Variants in BPNT2 observed in about 807,000 individuals in gnomAD.
The protein encoded by BPNT2 is 3'(2'), 5'-bisphosphate nucleotidase 2.
Under a neutral mutation model 29.3 loss-of-function variants are expected in BPNT2, and 11 were observed. The ratio of observed to expected loss-of-function variants is 0.38; its 90% CI spans 0.24 to 0.62. The LOEUF (loss-of-function observed/expected upper bound fraction) is 0.62, where lower values mean the gene tolerates loss of function less well. Among genes scored for constraint, BPNT2 ranks in the 20% least tolerant of loss-of-function variants. The pLI is 0.62. For missense variants in BPNT2, 459 were observed against 473.4 expected, an observed-to-expected ratio of 0.97 and a Z score of 0.28; for synonymous variants, 195 against 187.7, an observed-to-expected ratio of 1.04 and a Z score of -0.32.
At chr8:56,977,526 T>C (rs1282318349) in intron 3 of BPNT2, among the ~76,000 whole-genome samples, 4 of 152,174 alleles carry the variant, frequency 2.6e-5, no homozygotes, top group Admixed American at 2.6e-4. Context: ...ACTTTCTGGG[T>C]TGTTATGGTT....
In BPNT2 at chr8:56,993,636, C is replaced by CCCGCCGCCG. The variant is rs756084314; in HGVS notation, c.-60_-52dup. ...CTGCGGCTCTCACAGGCCTCCAGCG[C>CCCGCCGCCG]CCGCCGCCGCCGCCGCCGCAGCCGC... is the stretch of plus-strand genomic sequence containing the variant. On this transcript the variant is annotated 5_prime_UTR_variant, in exon 1 of 5. Transcript: ENST00000262644. 4.8e-5 allele frequency: 59 copies of CCCGCCGCCG among 1,230,250 alleles called. No homozygotes were observed. The highest frequency in any genetic ancestry group is 1.7e-4 in the South Asian group (5 of 28,702). The allele number at this position is 1,230,250 out of a possible 1,614,324, so 76.2% of individuals were successfully genotyped here.
In BPNT2 at chr8:56,993,548, A is replaced by AC. The variant is rs1479938066; in HGVS notation, c.37dup (p.Val13GlyfsTer119). 6.7e-7 allele frequency: 1 copy of AC among 1,484,358 alleles called. No homozygotes were observed. Among genetic ancestry groups the AC allele is most frequent in the Non-Finnish European group, 9.0e-7 (1 of 1,116,848 alleles). 91.9% of individuals were successfully genotyped at this position (1,484,358 alleles called of 1,614,324 possible). On this transcript the variant is annotated frameshift_variant, in exon 1 of 5. Transcript: ENST00000262644. LOFTEE classifies it high-confidence loss of function. ...GAGCCCCAGCAGGCAAAACACTGCC[A>AC]CCCCCAGTGGGGAAAGGCGGATGCC...
chr8:56,973,814 G>A (rs751174477), intron 3 of BPNT2, among the ~76,000 whole-genome samples: 9 of 152,020 alleles, frequency 5.9e-5, no homozygotes, highest in Admixed American at 1.3e-4. Context: ...ACCATTTTAC[G>A]ATACAGTCAC....
At position 56,985,200 on chromosome 8, in the gene BPNT2, C is replaced by A. The variant is rs139781203; in HGVS notation, c.388-5003G>T. ...AGCTAGAACGTAAATTCTGTGGGTG[C>A]AAGGACACAAATTTTCTTCATTACT... is the stretch of plus-strand genomic sequence containing the variant. On this transcript the variant is annotated intron_variant, in intron 1 of 4. Coordinates refer to ENST00000262644, the MANE Select transcript of BPNT2 (RefSeq NM_017813.5). Among the ~76,000 whole-genome samples the A allele has an allele frequency of 7.6e-3, 1,151 of 152,140 alleles. 11 individuals carry two copies. Among genetic ancestry groups the A allele is most frequent in the African/African-American group, 0.023 (949 of 41,518 alleles).
chr8:56,980,063 G>T lies in BPNT2; in HGVS notation c.522C>A (p.Asp174Glu), dbSNP rs758221934. The T allele has an allele frequency of 3.1e-6, 5 of 1,613,682 alleles. No individual in the cohort carries two copies. The African/African-American group carries it at 4.0e-5, about 13-fold the overall frequency. Residue 174 changes from aspartate to glutamate, a missense_variant, in exon 2 of 5, where the codon GAC becomes GAA. By Grantham distance (45) the Asp-to-Glu change is conservative (BLOSUM62 2). Transcript: ENST00000262644. ...TATATTCCTGTGTAGCATCAAGTGG[G>T]TCAATCCAGACAGTAACACTTTCTG... ...VPAESVTVWI[D>E]PLDATQEYTE...
chr8:56,988,320 A>C (rs1806357582), intron 1 of BPNT2, among the ~76,000 whole-genome samples: 1 of 152,150 alleles, frequency 6.6e-6, no homozygotes, highest in Non-Finnish European at 1.5e-5. Context: ...TCCTAATCAT[A>C]GGTTGCCTGA....
At chr8:56,979,679 T>G (rs114429072) in intron 2 of BPNT2, among the ~76,000 whole-genome samples, 2,290 of 152,066 alleles carry the variant, frequency 0.015, 83 homozygotes, top group African/African-American at 0.053. Context: ...TGAGAGGGGA[T>G]CTACAAAAAT....
In BPNT2 at chr8:56,993,350, T is replaced by C. The variant is rs756692741; in HGVS notation, c.236A>G (p.Asp79Gly). The change falls in exon 1 of 5, where the codon GAC becomes GGC. Residue 79 changes from aspartate to glycine, a missense_variant. Physicochemically the swap from Asp to Gly is moderately conservative, Grantham distance 94. Transcript: ENST00000262644. ...VSVLAAVRGG[D>G]EVRRVRESNV... ...GCTCTCGCGGACGCGCCTCACCTCG[T>C]CGCCGCCGCGGACTGCGGCCAGCAC... 2 of 1,610,738 alleles carry C rather than the reference T, an allele frequency of 1.2e-6. No homozygotes were observed. The highest frequency in any genetic ancestry group is 2.2e-5 in the East Asian group (1 of 44,818).
intron 3 of BPNT2, among the ~76,000 whole-genome samples, chr8:56,969,445 T>G (rs1805998465): frequency 1.3e-5 from 2 of 152,162 alleles, no homozygotes. Flanking sequence ...AATTTAACTG[T>G]GGATTTAAGG....
chr8:56,981,306 C>A (rs549510319), intron 1 of BPNT2, among the ~76,000 whole-genome samples: 2 of 152,254 alleles, frequency 1.3e-5, no homozygotes, highest in East Asian at 3.8e-4. Context: ...GTGGCTCACG[C>A]CTGTAATCCC....
At chr8:56,986,972 TAC>T (rs1408054628) in intron 1 of BPNT2, among the ~76,000 whole-genome samples, 5 of 152,200 alleles carry the variant, frequency 3.3e-5, no homozygotes, top group Non-Finnish European at 1.5e-5. Flanking sequence ...TATGGACATA[TAC>T]ACACACATAT....
intron 1 of BPNT2, among the ~76,000 whole-genome samples, chr8:56,985,382 A>G (rs1303251592): frequency 1.3e-5 from 2 of 152,000 alleles, no homozygotes; most frequent in East Asian, 1.9e-4. Context: ...CCTGTCAAAG[A>G]CCTCAACAGG....
Position 56,982,513 on chromosome 8 carries a change from A to G in BPNT2, c.388-2316T>C, listed in dbSNP as rs530748669. On this transcript the variant is annotated intron_variant, in intron 1 of 4. Coordinates refer to ENST00000262644, the MANE Select transcript of BPNT2 (RefSeq NM_017813.5). ...TTCAGCAAATGCTTATTGATTGCCT[A>G]CTATATGACAGACACAGTTACAGGT... is the stretch of plus-strand genomic sequence containing the variant. Among the ~76,000 whole-genome samples, 8 of 152,354 alleles carry G rather than the reference A, an allele frequency of 5.3e-5. No individual in the cohort carries two copies. In the East Asian group the frequency reaches 1.3e-3, roughly 26 times the overall value.
chr8:56,963,800 T>A lies in BPNT2; in HGVS notation c.1073A>T (p.His358Leu), dbSNP rs546293123. The change falls in exon 5 of 5, where the codon CAT becomes CTT. Residue 358 changes from histidine to leucine, a missense_variant. Physicochemically the swap from His to Leu is moderately conservative, Grantham distance 99. Coordinates refer to ENST00000262644, the MANE Select transcript of BPNT2 (RefSeq NM_017813.5). ...RKLPDLEKTG[H>L]K Reference sequence around the variant, plus strand: ...CCCTGTAATCAGTTATGCTCATTTATGTCCTGTCTTTTCTAGATCTGGGAG... The same window carrying A: ...CCCTGTAATCAGTTATGCTCATTTAAGTCCTGTCTTTTCTAGATCTGGGAG... 6.2e-7 allele frequency: 1 copy of A among 1,614,206 alleles called. No homozygotes were observed. The highest frequency in any genetic ancestry group is 8.5e-7 in the Non-Finnish European group (1 of 1,180,038).
chr8:56,965,176 A>T (rs886452384), intron 4 of BPNT2, among the ~76,000 whole-genome samples: 3 of 151,990 alleles, frequency 2.0e-5, no homozygotes, highest in African/African-American at 7.3e-5. Flanking sequence ...AAAATTAGCC[A>T]GGCATGGTGG....
At chr8:56,971,689 G>A (rs777183377) in intron 3 of BPNT2, among the ~76,000 whole-genome samples, 5 of 151,446 alleles carry the variant, frequency 3.3e-5, no homozygotes, top group South Asian at 2.1e-4. Flanking sequence ...CCATACATAC[G>A]TAGTGCCATT....
At chr8:56,973,052 T>C (rs1476201714) in intron 3 of BPNT2, among the ~76,000 whole-genome samples, 1 of 152,086 alleles carries the variant, frequency 6.6e-6, no homozygotes, top group Non-Finnish European at 1.5e-5. Context: ...CACCAGCTGC[T>C]TGCTAGTCTT....
chr8:56,965,469 CAT>C (rs1805928710), intron 4 of BPNT2, among the ~76,000 whole-genome samples: 1 of 152,190 alleles, frequency 6.6e-6, no homozygotes, highest in Admixed American at 6.5e-5. Context: ...AGACAGTACT[CAT>C]AACAGGAGTT....
At chr8:56,985,465 C>T (rs547008417) in intron 1 of BPNT2, among the ~76,000 whole-genome samples, 3 of 152,246 alleles carry the variant, frequency 2.0e-5, no homozygotes, top group Admixed American at 1.3e-4. Context: ...AATCCCTGCC[C>T]CCTCCCGACA....
Sources: gnomAD v4.1 joint callset for allele counts (sites outside exome capture counted in the v4.1 genomes callset) on GRCh38, gnomAD v4.1.1 for gene constraint, MANE v1.5 for transcripts, NCBI Gene and HGNC (gene_info 2026-07-23, HGNC 2026-07-21) for gene names.